SOX5: variants seen among roughly 807,000 people sequenced by gnomAD.
SOX5 encodes the protein transcription factor SOX-5.
In SOX5, 9 loss-of-function variants were observed where a neutral mutation model predicts 92.0. The observed-to-expected ratio is 0.10, with a 90% CI of 0.06 to 0.17. The LOEUF is 0.17. Ranked by LOEUF, SOX5 falls within the 10% of genes least tolerant of loss-of-function variation. The pLI is 1.00. For missense variants in SOX5, 642 were observed against 944.5 expected (o/e 0.68, Z 4.20); for synonymous variants, 344 against 336.3 (o/e 1.02, Z -0.25).
At chr12:23,948,005 T>G (rs1030257349) in intron 1 of SOX5, among the ~76,000 whole-genome samples, 2 of 152,068 alleles carry the variant, frequency 1.3e-5, no homozygotes, top group Admixed American at 1.3e-4. Context: ...TCTAGAAAAC[T>G]TAACTGTGTT....
At chr12:24,096,124 A>T (rs950346309) in intron 4 of SOX5, among the ~76,000 whole-genome samples, 3 of 152,052 alleles carry the variant, frequency 2.0e-5, no homozygotes, top group African/African-American at 4.8e-5. Flanking sequence ...ATTTTTAAAC[A>T]TTTTTTATTA....
At chr12:24,256,060 GT>G (rs1347610073) in intron 3 of SOX5, among the ~76,000 whole-genome samples, 2 of 152,142 alleles carry the variant, frequency 1.3e-5, no homozygotes, top group Admixed American at 6.5e-5. Context: ...TTTAAAACAG[GT>G]CAGTTTGCTC....
At chr12:24,394,353 C>A (rs1431560669) in intron 1 of SOX5, among the ~76,000 whole-genome samples, 1 of 152,172 alleles carries the variant, frequency 6.6e-6, no homozygotes, top group Non-Finnish European at 1.5e-5. Context: ...TCAGCAAATC[C>A]TACAGATTTC....
rs550529661 is a variant in SOX5, at chr12:23,855,815, T to C, written c.271-9622A>G. ...TAAAAGAAAAAGTCTGTAAAACATA[T>C]GCCTTCTCACTGTATCAGGCTAATT... On this transcript the variant is annotated intron_variant, in intron 2 of 14. Coordinates refer to ENST00000451604, the MANE Select transcript of SOX5 (RefSeq NM_006940.6). Among the ~76,000 whole-genome samples, 16 of 152,256 alleles carry C rather than the reference T, an allele frequency of 1.1e-4. 1 individual carries two copies. The South Asian group carries it at 2.9e-3, about 28-fold the overall frequency.
At chr12:23,879,663 G>A (rs1197459993) in intron 2 of SOX5, among the ~76,000 whole-genome samples, 1 of 152,154 alleles carries the variant, frequency 6.6e-6, no homozygotes, top group Non-Finnish European at 1.5e-5. Context: ...TGGGGAAAAG[G>A]TGGGAAGGAG....
chr12:23,693,096 TAC>T (rs1236150372), intron 6 of SOX5, among the ~76,000 whole-genome samples: 4 of 104,796 alleles, frequency 3.8e-5, no homozygotes, highest in Non-Finnish European at 7.8e-5. Context: ...AACAATAGCA[TAC>T]AGTTGTATTT....
chr12:24,451,748 C>G lies in SOX5; in HGVS notation c.-250-83109G>C, dbSNP rs529224749. Among the ~76,000 whole-genome samples, 4 of 152,272 alleles carry G rather than the reference C, an allele frequency of 2.6e-5. No individual in the cohort carries two copies. In the East Asian group the frequency reaches 7.7e-4, roughly 29 times the overall value. ...TGATCATGAGCAAGTAACTAAACCT[C>G]TCTGGGCCTCCACTTTCCCATGTTT... On this transcript the variant is annotated intron_variant, in intron 1 of 4. Coordinates refer to the SOX5 transcript ENST00000446891.
In SOX5 at chr12:24,028,327, A is replaced by G. The variant is rs372516199; in HGVS notation, c.-1-132303T>C. On this transcript the variant is annotated intron_variant, in intron 4 of 4. Transcript: ENST00000446891. ...GCCTGTCACACAGCAATGCCTTCTC[A>G]ATATTGTTGGATGAATGAATTTGCT... Among the ~76,000 whole-genome samples, 15 of 152,088 alleles carry G rather than the reference A, an allele frequency of 9.9e-5. No individual in the cohort carries two copies. The East Asian group carries it at 2.1e-3, about 22-fold the overall frequency.
intron 1 of SOX5, among the ~76,000 whole-genome samples, chr12:24,432,627 C>A (rs1938581425): frequency 6.6e-6 from 1 of 152,112 alleles, no homozygotes; most frequent in South Asian, 2.1e-4. Context: ...TCCTGGCCAA[C>A]ATGATGAAAC....
upstream of SOX5, among the ~76,000 whole-genome samples, chr12:23,952,977 G>A (rs2139893054): frequency 6.6e-6 from 1 of 152,154 alleles, no homozygotes; most frequent in East Asian, 1.9e-4. Flanking sequence ...TCCCAAGATG[G>A]TACTCATACT....
chr12:23,577,191 A>ATATTTTTTTT (rs71059907), intron 9 of SOX5, among the ~76,000 whole-genome samples: 51 of 61,384 alleles, frequency 8.3e-4, no homozygotes, highest in Admixed American at 2.3e-3. Context: ...ATATATATAT[A>ATATTTTTTTT]TTTTTTTTTT....
At chr12:23,664,338 A>T (rs931066659) in intron 7 of SOX5, among the ~76,000 whole-genome samples, 1 of 128,880 alleles carries the variant, frequency 7.8e-6, no homozygotes, top group Non-Finnish European at 1.7e-5. Flanking sequence ...TATATATATA[A>T]GCCAAAATGC....
intron 4 of SOX5, among the ~76,000 whole-genome samples, chr12:24,114,826 C>T (rs1947807683): frequency 6.6e-6 from 1 of 151,834 alleles, no homozygotes; most frequent in Non-Finnish European, 1.5e-5. Context: ...GTCCTAGCTA[C>T]TCGGGAGGCT....
At chr12:24,066,938 T>C (rs1004953174) in intron 4 of SOX5, among the ~76,000 whole-genome samples, 6 of 152,222 alleles carry the variant, frequency 3.9e-5, no homozygotes. Context: ...GGCTCAATTC[T>C]GATTCAAAAG....
intron 4 of SOX5, among the ~76,000 whole-genome samples, chr12:24,017,967 A>T (rs998981681): frequency 2.6e-5 from 4 of 152,112 alleles, no homozygotes; most frequent in Admixed American, 2.0e-4. Flanking sequence ...ATTAGGATCC[A>T]CTCTGCTCCC....
intron 1 of SOX5, among the ~76,000 whole-genome samples, chr12:24,438,840 C>G (rs1939964637): frequency 6.6e-6 from 1 of 152,166 alleles, no homozygotes; most frequent in Non-Finnish European, 1.5e-5. Flanking sequence ...GAATCCACTC[C>G]TGGTGAAGAT....
chr12:24,327,685 G>C (rs1003901016), intron 2 of SOX5, among the ~76,000 whole-genome samples: 1 of 151,908 alleles, frequency 6.6e-6, no homozygotes, highest in African/African-American at 2.4e-5. Flanking sequence ...CTGGGTTCAC[G>C]CTATTCTCCT....
chr12:23,857,839 T>G (rs2096710766), intron 2 of SOX5, among the ~76,000 whole-genome samples: 2 of 152,034 alleles, frequency 1.3e-5, no homozygotes, highest in African/African-American at 4.8e-5. Flanking sequence ...TTCAAGCGAT[T>G]CTCCTGCCTC....
At chr12:24,335,987 A>ATATATATATATATATATATATATCTATC (rs1555235765) in intron 2 of SOX5, among the ~76,000 whole-genome samples, 1 of 134,362 alleles carries the variant, frequency 7.4e-6, no homozygotes, top group East Asian at 3.6e-4. Context: ...ATATATATAT[A>ATATATATATATATATATATATATCTATC]TCCATAATAT....
Sources: allele counts gnomAD v4.1 joint callset (sites outside exome capture counted in the v4.1 genomes callset), GRCh38; gene constraint gnomAD v4.1.1; transcripts MANE v1.5; gene names NCBI Gene and HGNC (gene_info 2026-07-23, HGNC 2026-07-21).